The following FMN2 variants were observed in gnomAD, a reference collection of about 807,000 sequenced individuals.
The protein encoded by FMN2 is formin-2.
A neutral mutation model predicts 142.3 loss-of-function variants in FMN2; 51 were observed. The observed-to-expected ratio is 0.36, with a 90% CI of 0.29 to 0.45. The LOEUF is 0.45. Among genes scored for constraint, FMN2 ranks in the 20% least tolerant of loss-of-function variants. The pLI is 1.00. For missense variants in FMN2, 1,936 were observed against 2,122.8 expected (o/e 0.91, Z 1.73); for synonymous variants, 882 against 869.8 (o/e 1.01, Z -0.25).
At chr1:240,173,119 A>G (rs1664776862) in intron 2 of FMN2, among the ~76,000 whole-genome samples, 1 of 151,994 alleles carries the variant, frequency 6.6e-6, no homozygotes, top group Non-Finnish European at 1.5e-5. Context: ...TATTTTTAGT[A>G]GAAAAGGGGT....
At chr1:240,362,164 G>A (rs900756289) in intron 14 of FMN2, among the ~76,000 whole-genome samples, 21 of 152,140 alleles carry the variant, frequency 1.4e-4, no homozygotes, top group African/African-American at 4.6e-4. Context: ...CTCTTATTGC[G>A]GGACAACTGT....
At chr1:240,392,326 T>C (rs1328236555) in intron 14 of FMN2, among the ~76,000 whole-genome samples, 185 bp from the exon 15 acceptor site, 2 of 152,152 alleles carry the variant, frequency 1.3e-5, no homozygotes, top group Admixed American at 6.6e-5. Context: ...ATCAACTTAA[T>C]TAAAATTAAG....
chr1:240,248,432 GAT>G (rs36215850), intron 6 of FMN2, among the ~76,000 whole-genome samples: 1,726 of 142,390 alleles, frequency 0.012, 22 homozygotes, highest in South Asian at 0.064. Flanking sequence ...CATGTGATTG[GAT>G]ATATATATAT....
At chr1:240,430,181 C>T (rs987268631) in intron 15 of FMN2, among the ~76,000 whole-genome samples, 1 of 152,060 alleles carries the variant, frequency 6.6e-6, no homozygotes, top group African/African-American at 2.4e-5. Context: ...CCACTGCACC[C>T]GGCCTGAACA....
At chr1:240,383,010 G>T (rs1345981124) in intron 14 of FMN2, among the ~76,000 whole-genome samples, 2 of 152,038 alleles carry the variant, frequency 1.3e-5, no homozygotes, top group Non-Finnish European at 2.9e-5. Flanking sequence ...TAAACAATGA[G>T]TAAAGGACAC....
At chr1:240,191,728 C>T (rs1665708516) in intron 4 of FMN2, among the ~76,000 whole-genome samples, 1 of 152,252 alleles carries the variant, frequency 6.6e-6, no homozygotes, top group African/African-American at 2.4e-5. Flanking sequence ...CACCTGGTAG[C>T]CACCTAGTTT....
intron 8 of FMN2, among the ~76,000 whole-genome samples, chr1:240,300,987 G>T (rs541297339): frequency 6.0e-5 from 9 of 150,906 alleles, no homozygotes; most frequent in Admixed American, 2.6e-4. Context: ...GCATGCATTT[G>T]GGTCTGTGTT....
At chr1:240,467,985 T>G (rs1366624410) in intron 16 of FMN2, among the ~76,000 whole-genome samples, 1 of 152,214 alleles carries the variant, frequency 6.6e-6, no homozygotes, top group Non-Finnish European at 1.5e-5. Context: ...AAGTGATGAA[T>G]GAAGTTTCTT....
At chr1:240,199,586 A>G (rs1666052352) in intron 4 of FMN2, among the ~76,000 whole-genome samples, 1 of 152,196 alleles carries the variant, frequency 6.6e-6, no homozygotes, top group South Asian at 2.1e-4. Context: ...CAAGTGTTCA[A>G]ACAATTTATA....
rs543689196 is a variant in FMN2, at chr1:240,223,388, T to G, written c.4065+12153T>G. ...ATTTGCTGCTGGATTCGGTTTGCCA[T>G]TATTTTATTGAGGATTTTCGCATCG... On this transcript the variant is annotated intron_variant, in intron 6 of 17. Coordinates refer to ENST00000319653, the MANE Select transcript of FMN2 (RefSeq NM_020066.5). Among the ~76,000 whole-genome samples the G allele has an allele frequency of 2.7e-3, 411 of 152,222 alleles. 3 individuals are homozygous for G. The South Asian group carries it at 0.027, about 10-fold the overall frequency.
At chr1:240,181,706 A>C (rs2103331106) in intron 3 of FMN2, among the ~76,000 whole-genome samples, 1 of 152,362 alleles carries the variant, frequency 6.6e-6, no homozygotes, top group African/African-American at 2.4e-5. Flanking sequence ...GAAAAAAGGA[A>C]GTAATGTGCT....
chr1:240,144,765 C>T lies in FMN2; in HGVS notation c.1782+21420C>T, dbSNP rs116781639. On this transcript the variant is annotated intron_variant, in intron 2 of 17. Transcript: ENST00000319653. Reference sequence around the variant, plus strand: ...TGCTCAATTTCCATAAGGTCACAGGCCTCATGCTCTGCGTCGTGGACCATG... The same window carrying T: ...TGCTCAATTTCCATAAGGTCACAGGTCTCATGCTCTGCGTCGTGGACCATG... 1.9e-3 allele frequency: 2,633 copies of T among 1,373,742 alleles called. 39 individuals carry two copies. In the African/African-American group the frequency reaches 0.033, roughly 17 times the overall value. 85.1% of individuals were successfully genotyped at this position (1,373,742 alleles called of 1,614,324 possible).
intron 2 of FMN2, among the ~76,000 whole-genome samples, chr1:240,149,734 A>G (rs1558322299): frequency 6.6e-6 from 1 of 152,236 alleles, no homozygotes; most frequent in Non-Finnish European, 1.5e-5. Context: ...ATTCATTTCC[A>G]AATATAAGGA....
chr1:240,300,432 G>A (rs1439324897), intron 8 of FMN2, among the ~76,000 whole-genome samples: 2 of 152,140 alleles, frequency 1.3e-5, no homozygotes, highest in Non-Finnish European at 2.9e-5. Context: ...TAAGCCATCT[G>A]ATTTGTATTT....
chr1:240,295,491 A>G (rs1669941719), intron 8 of FMN2, among the ~76,000 whole-genome samples: 1 of 152,114 alleles, frequency 6.6e-6, no homozygotes, highest in Non-Finnish European at 1.5e-5. Context: ...TTCTGTTTCT[A>G]TGAGTTCAAG....
At chr1:240,175,378 AT>A (rs1252014519) in intron 2 of FMN2, among the ~76,000 whole-genome samples, 1 of 152,138 alleles carries the variant, frequency 6.6e-6, no homozygotes, top group African/African-American at 2.4e-5. Flanking sequence ...TAGTAATTCT[AT>A]TTTTAATTTT....
At chr1:240,308,854 T>A (rs1670502510) in intron 8 of FMN2, among the ~76,000 whole-genome samples, 1 of 152,200 alleles carries the variant, frequency 6.6e-6, no homozygotes, top group African/African-American at 2.4e-5. Flanking sequence ...GATCCCACAA[T>A]TTTTGGCCTG....
intron 2 of FMN2, among the ~76,000 whole-genome samples, chr1:240,164,611 G>A (rs926653991): frequency 3.9e-5 from 6 of 152,012 alleles, no homozygotes; most frequent in East Asian, 1.9e-4. Context: ...ATTTTTACAA[G>A]GTGTAGAATT....
At chr1:240,155,356 G>A (rs920333625) in intron 2 of FMN2, among the ~76,000 whole-genome samples, 4 of 152,152 alleles carry the variant, frequency 2.6e-5, no homozygotes, top group African/African-American at 7.2e-5. Flanking sequence ...ATGGCTTACT[G>A]TAGCTTCTAA....
Sources: gnomAD v4.1 joint callset for allele counts (sites outside exome capture counted in the v4.1 genomes callset) on GRCh38, gnomAD v4.1.1 for gene constraint, MANE v1.5 for transcripts, NCBI Gene and HGNC (gene_info 2026-07-23, HGNC 2026-07-21) for gene names.